The following FHIT variants were observed in gnomAD, a reference collection of about 807,000 sequenced individuals.
FHIT encodes fragile histidine triad diadenosine triphosphatase.
In FHIT, 19 loss-of-function variants were observed where a neutral mutation model predicts 17.9. The ratio of observed to expected loss-of-function variants is 1.06; its 90% CI spans 0.74 to 1.56. FHIT has a LOEUF of 1.56. FHIT is among the 40% of genes most tolerant of loss of function. The pLI is 0.00. For missense variants in FHIT, 248 were observed against 189.2 expected (o/e 1.31, Z -1.82); for synonymous variants, 81 against 69.7 (o/e 1.16, Z -0.81).
intron 5 of FHIT, among the ~76,000 whole-genome samples, chr3:60,030,188 A>G (rs932268444): frequency 6.6e-6 from 1 of 152,150 alleles, no homozygotes; most frequent in African/African-American, 2.4e-5. Context: ...AATATGACTG[A>G]AGGGAGATTA....
intron 3 of FHIT, among the ~76,000 whole-genome samples, chr3:60,893,478 T>C (rs530031999): frequency 2.0e-5 from 3 of 152,290 alleles, no homozygotes; most frequent in South Asian, 4.1e-4. Context: ...AGTGTACAAA[T>C]ATATATTTAT....
chr3:61,207,935 T>C (rs1430261849), intron 1 of FHIT, among the ~76,000 whole-genome samples: 1 of 152,220 alleles, frequency 6.6e-6, no homozygotes, highest in Non-Finnish European at 1.5e-5. Context: ...CTTTCCTGCT[T>C]TCTTTTGTGG....
intron 5 of FHIT, among the ~76,000 whole-genome samples, chr3:60,400,301 T>C (rs575707847): frequency 9.2e-5 from 14 of 152,098 alleles, no homozygotes; most frequent in African/African-American, 2.9e-4. Context: ...AGAAGCCCTG[T>C]AATGTGAAGC....
chr3:60,364,003 GTTACTCA>G (rs761087934), intron 5 of FHIT, among the ~76,000 whole-genome samples: 364 of 152,160 alleles, frequency 2.4e-3, no homozygotes, highest in Non-Finnish European at 3.6e-3. Flanking sequence ...CAGCTCTGCC[GTTACTCA>G]TCCCAGTAAC....
At chr3:60,222,818 T>A (rs1391485672) in intron 5 of FHIT, among the ~76,000 whole-genome samples, 2 of 152,084 alleles carry the variant, frequency 1.3e-5, no homozygotes, top group African/African-American at 4.8e-5. Context: ...GGAGAACTGC[T>A]TGAACTCGGG....
intron 2 of FHIT, among the ~76,000 whole-genome samples, chr3:61,182,073 T>C (rs1228273094): frequency 6.6e-6 from 1 of 152,178 alleles, no homozygotes; most frequent in African/African-American, 2.4e-5. Context: ...GGGAAATAAC[T>C]TTCTCTGAAG....
chr3:60,734,439 G>A (rs1235309352), intron 4 of FHIT, among the ~76,000 whole-genome samples: 1 of 152,098 alleles, frequency 6.6e-6, no homozygotes, highest in Non-Finnish European at 1.5e-5. Context: ...GCTTTGTGCA[G>A]GAGTGCAGGC....
intron 5 of FHIT, among the ~76,000 whole-genome samples, chr3:60,209,418 C>T (rs896358617): frequency 4.6e-5 from 7 of 152,130 alleles, no homozygotes; most frequent in African/African-American, 1.7e-4. Context: ...GAAAGACATA[C>T]AAATGTGTCA....
rs78119289 is a variant in FHIT at position 60,785,326 on chromosome 3, T to C, written c.-18+36593A>G. 5.4e-3 allele frequency among the ~76,000 whole-genome samples: 829 copies of C among 152,180 alleles called. 6 individuals carry two copies. The highest frequency in any genetic ancestry group is 0.019 in the African/African-American group (773 of 41,514). ...TGGTGATTAAGATCTTTGGTGACAATAGAAAATGTAACAATAGGAGTGGTC... is the reference window on the plus strand; with the variant it reads ...TGGTGATTAAGATCTTTGGTGACAACAGAAAATGTAACAATAGGAGTGGTC... On this transcript the variant is annotated intron_variant, in intron 4 of 9. Coordinates refer to ENST00000492590, the MANE Select transcript of FHIT (RefSeq NM_002012.4).
rs374077894 is a variant in FHIT, at chr3:60,054,955, G to A, written c.104-40803C>T. ...TGAAGTGGGAATGGCTACCTTTGCT[G>A]TATACTCCAAACTCCCACTGATCTG... On this transcript the variant is annotated intron_variant, in intron 5 of 9. Transcript: ENST00000492590. 4.6e-5 allele frequency among the ~76,000 whole-genome samples: 7 copies of A among 152,158 alleles called. No homozygotes were observed. The East Asian group carries it at 1.3e-3, about 29-fold the overall frequency.
chr3:60,389,090 T>C (rs2107144827), intron 5 of FHIT, among the ~76,000 whole-genome samples: 1 of 152,328 alleles, frequency 6.6e-6, no homozygotes, highest in South Asian at 2.1e-4. Context: ...GCACTCAATT[T>C]AGCAATGCAT....
At chr3:60,701,835 T>C (rs1237292177) in intron 4 of FHIT, among the ~76,000 whole-genome samples, 3 of 152,132 alleles carry the variant, frequency 2.0e-5, no homozygotes, top group Non-Finnish European at 2.9e-5. Context: ...GAAAGGGCTG[T>C]TATCATCTTT....
chr3:60,279,596 C>A (rs532899732), intron 5 of FHIT, among the ~76,000 whole-genome samples: 1 of 152,172 alleles, frequency 6.6e-6, no homozygotes, highest in Admixed American at 6.5e-5. Context: ...TCAGAATACA[C>A]GTGCAAACCC....
At chr3:60,092,283 G>A (rs868571507) in intron 5 of FHIT, among the ~76,000 whole-genome samples, 60 of 152,262 alleles carry the variant, frequency 3.9e-4, no homozygotes, top group Middle Eastern at 3.4e-3. Flanking sequence ...TACCATGTGA[G>A]TTTTGATTAC....
chr3:60,125,281 G>A (rs1166951714), intron 5 of FHIT, among the ~76,000 whole-genome samples: 2 of 152,160 alleles, frequency 1.3e-5, no homozygotes, highest in African/African-American at 4.8e-5. Flanking sequence ...TATCTTTTCT[G>A]TAAAATGGTG....
intron 5 of FHIT, among the ~76,000 whole-genome samples, chr3:60,040,068 A>T (rs1046563478): frequency 1.1e-4 from 17 of 152,350 alleles, no homozygotes; most frequent in African/African-American, 4.1e-4. Context: ...TCTTAAGATG[A>T]CACCCATAAA....
intron 8 of FHIT, among the ~76,000 whole-genome samples, chr3:59,914,137 C>A (rs901607997): frequency 6.6e-6 from 1 of 152,128 alleles, no homozygotes; most frequent in Non-Finnish European, 1.5e-5. Context: ...TAATTTTTAA[C>A]TCAACATTAC....
chr3:59,986,360 T>C lies in FHIT; in HGVS notation c.279+25011A>G, dbSNP rs548302527. ...AAAGAAGGATTAAGATTCCAAATAC[T>C]GTCTTTTCTCCAACTCGATTTTTCC... On this transcript the variant is annotated intron_variant, in intron 7 of 9. Transcript: ENST00000492590. Among the ~76,000 whole-genome samples the C allele has an allele frequency of 8.6e-5, 13 of 151,138 alleles. No individual in the cohort carries two copies. The East Asian group carries it at 2.4e-3, about 28-fold the overall frequency.
intron 5 of FHIT, among the ~76,000 whole-genome samples, chr3:60,030,901 A>G (rs1700971872): frequency 6.6e-6 from 1 of 152,250 alleles, no homozygotes; most frequent in African/African-American, 2.4e-5. Context: ...AGTAGAAAAA[A>G]TAACTGTTAT....
Sources: gnomAD v4.1 joint callset for allele counts (sites outside exome capture counted in the v4.1 genomes callset) on GRCh38, gnomAD v4.1.1 for gene constraint, MANE v1.5 for transcripts, NCBI Gene and HGNC (gene_info 2026-07-23, HGNC 2026-07-21) for gene names.